GABBR2: variants seen among roughly 807,000 people sequenced by gnomAD.
GABBR2 encodes gamma-aminobutyric acid type B receptor subunit 2.
Under a neutral mutation model 105.6 loss-of-function variants are expected in GABBR2, and 23 were observed. That is an observed-to-expected ratio of 0.22 (90% CI 0.16 to 0.31). The LOEUF is 0.31. GABBR2 is among the 10% of genes least tolerant of loss of function. The pLI is 1.00. For synonymous variants in GABBR2, 478 were observed against 499.7 expected, an observed-to-expected ratio of 0.96 and a Z score of 0.58; for missense variants, 734 against 1,245.5, an observed-to-expected ratio of 0.59 and a Z score of 6.18.
At position 98,464,360 on chromosome 9, in the gene GABBR2, G is replaced by A. The variant is rs533786243; in HGVS notation, c.999+8786C>T. On this transcript the variant is annotated intron_variant, in intron 6 of 18. Coordinates refer to ENST00000259455, the MANE Select transcript of GABBR2 (RefSeq NM_005458.8). ...AAGTGAGGAGCGCCTCTGCCTGGCCGCCCCCTCTGGGAAGTGAGGAGCGCC... is the reference window on the plus strand; with the variant it reads ...AAGTGAGGAGCGCCTCTGCCTGGCCACCCCCTCTGGGAAGTGAGGAGCGCC... 1.1e-4 allele frequency among the ~76,000 whole-genome samples: 16 copies of A among 150,000 alleles called. No homozygotes were observed. In the East Asian group the frequency reaches 1.6e-3, roughly 15 times the overall value.
intron 3 of GABBR2, among the ~76,000 whole-genome samples, chr9:98,518,815 C>T (rs150749839): frequency 2.0e-5 from 3 of 152,262 alleles, no homozygotes; most frequent in Non-Finnish European, 4.4e-5. Context: ...TCCCCTCCCA[C>T]GAAGCCCATG....
chr9:98,296,572 G>A (rs1830385971), intron 17 of GABBR2, among the ~76,000 whole-genome samples: 1 of 152,144 alleles, frequency 6.6e-6, no homozygotes, highest in African/African-American at 2.4e-5. Flanking sequence ...ATCTTCGCCA[G>A]TCTTTGAGGC....
At chr9:98,426,095 G>C (rs546971326) in intron 7 of GABBR2, among the ~76,000 whole-genome samples, 1 of 152,310 alleles carries the variant, frequency 6.6e-6, no homozygotes, top group South Asian at 2.1e-4. Context: ...ATGAGGGGTG[G>C]GGAGGCAGGT....
chr9:98,326,427 G>A (rs1049369786), intron 13 of GABBR2, among the ~76,000 whole-genome samples: 1 of 152,230 alleles, frequency 6.6e-6, no homozygotes, highest in African/African-American at 2.4e-5. Context: ...GAGAGTGGTA[G>A]AGGCTGATGC....
rs1245676144 is a variant in GABBR2, at chr9:98,560,224, C to G, written c.459+17711G>C. Among the ~76,000 whole-genome samples the G allele has an allele frequency of 2.0e-5, 3 of 152,012 alleles. No homozygotes were observed. In the East Asian group the frequency reaches 5.8e-4, roughly 29 times the overall value. ...AGGAGAAAAAAAATCAACCCCTAAA[C>G]AGTGAAAACAAACCAGGACAAAGGA... On this transcript the variant is annotated intron_variant, in intron 2 of 18. Transcript: ENST00000259455.
intron 13 of GABBR2, among the ~76,000 whole-genome samples, chr9:98,324,002 G>C (rs1432000618): frequency 6.6e-6 from 1 of 152,172 alleles, no homozygotes; most frequent in East Asian, 1.9e-4. Flanking sequence ...CACCCTAGGA[G>C]GTTAGTAGGG....
chr9:98,657,334 G>C lies in GABBR2; in HGVS notation c.321+51083C>G, dbSNP rs574688963. 2.6e-5 allele frequency among the ~76,000 whole-genome samples: 4 copies of C among 152,286 alleles called. No individual in the cohort carries two copies. In the South Asian group the frequency reaches 8.3e-4, roughly 32 times the overall value. On this transcript the variant is annotated intron_variant, in intron 1 of 18. Transcript: ENST00000259455. ...TGAAAAACAAAACATAAACCAAGAAGACTGTACGTTTTCAAGAAAAATGGA... is the reference window on the plus strand; with the variant it reads ...TGAAAAACAAAACATAAACCAAGAACACTGTACGTTTTCAAGAAAAATGGA...
At chr9:98,625,835 C>T (rs1028991811) in intron 1 of GABBR2, among the ~76,000 whole-genome samples, 5 of 152,202 alleles carry the variant, frequency 3.3e-5, no homozygotes, top group Non-Finnish European at 7.3e-5. Context: ...GGGACTGGTT[C>T]CTGCCCATTT....
chr9:98,323,261 C>A (rs796468720), intron 13 of GABBR2, among the ~76,000 whole-genome samples: 2 of 152,248 alleles, frequency 1.3e-5, no homozygotes, highest in Non-Finnish European at 2.9e-5. Context: ...TGCTCTCCTC[C>A]GCCTGCCTTG....
chr9:98,674,520 C>T (rs972559897), intron 1 of GABBR2, among the ~76,000 whole-genome samples: 3 of 152,160 alleles, frequency 2.0e-5, no homozygotes, highest in South Asian at 2.1e-4. Context: ...AAATCCCCAC[C>T]GCAGGACCTT....
At position 98,302,817 on chromosome 9, in the gene GABBR2, A is replaced by G. The variant is rs117835392; in HGVS notation, c.2412+424T>C. The G allele has an allele frequency of 8.7e-4, 141 of 162,682 alleles. 2 individuals carry two copies. The East Asian group carries it at 0.012, about 14-fold the overall frequency. The allele number at this position is 162,682 out of a possible 1,614,324, so 10.1% of individuals were successfully genotyped here. Reference sequence around the variant, plus strand: ...AGGTCTGCTGCAGCACTCTCTCTTGAAAAGTTTCTTTTCACTTTCTCTTCT... The same window carrying G: ...AGGTCTGCTGCAGCACTCTCTCTTGGAAAGTTTCTTTTCACTTTCTCTTCT... On this transcript the variant is annotated intron_variant, in intron 16 of 18. Transcript: ENST00000259455.
chr9:98,667,094 G>C (rs1175856123), intron 1 of GABBR2, among the ~76,000 whole-genome samples: 1 of 152,184 alleles, frequency 6.6e-6, no homozygotes, highest in Non-Finnish European at 1.5e-5. Flanking sequence ...TCAGGAATGA[G>C]GGTCTGGCTC....
chr9:98,479,036 G>A (rs757044644), intron 5 of GABBR2, among the ~76,000 whole-genome samples: 4 of 152,088 alleles, frequency 2.6e-5, no homozygotes, highest in African/African-American at 4.8e-5. Context: ...TGGACCCTAC[G>A]TAGTAAGCAG....
intron 1 of GABBR2, among the ~76,000 whole-genome samples, chr9:98,580,514 G>A (rs1332858579): frequency 6.6e-6 from 1 of 152,212 alleles, no homozygotes; most frequent in African/African-American, 2.4e-5. Flanking sequence ...GGGGCCAGGC[G>A]CGAAGGCTCA....
At chr9:98,657,026 C>G (rs979097284) in intron 1 of GABBR2, among the ~76,000 whole-genome samples, 2 of 152,232 alleles carry the variant, frequency 1.3e-5, no homozygotes, top group Non-Finnish European at 2.9e-5. Context: ...TTTTTAAAAA[C>G]TGAGCCAACA....
intron 13 of GABBR2, among the ~76,000 whole-genome samples, chr9:98,314,611 C>G (rs114073217): frequency 6.6e-6 from 1 of 152,126 alleles, no homozygotes; most frequent in Admixed American, 6.5e-5. Flanking sequence ...CTCCTGCTCC[C>G]GGTGAGGTAG....
At position 98,403,326 on chromosome 9, in the gene GABBR2, CA is replaced by C. The variant is rs1265866471; in HGVS notation, c.1297+2754del. Among the ~76,000 whole-genome samples the C allele has an allele frequency of 5.7e-5, 8 of 141,352 alleles. No individual in the cohort carries two copies. The East Asian group carries it at 1.7e-3, about 30-fold the overall frequency. 92.7% of individuals were successfully genotyped at this position (141,352 alleles called of 152,430 possible). On this transcript the variant is annotated intron_variant, in intron 8 of 18. Transcript: ENST00000259455. ...AAAAAAAAAAAAAAAATCATGTAAACAGGAGCATCTGGCCTTTATTGAAGGC... is the reference window on the plus strand; with the variant it reads ...AAAAAAAAAAAAAAAATCATGTAAACGGAGCATCTGGCCTTTATTGAAGGC...
At chr9:98,520,260 G>A (rs1827841094) in intron 3 of GABBR2, among the ~76,000 whole-genome samples, 3 of 152,226 alleles carry the variant, frequency 2.0e-5, no homozygotes, top group Non-Finnish European at 4.4e-5. Context: ...AGGAGAGGAA[G>A]TGATGGTGAT....
chr9:98,704,971 C>A (rs558982931), intron 1 of GABBR2, among the ~76,000 whole-genome samples: 106 of 149,622 alleles, frequency 7.1e-4, no homozygotes, highest in African/African-American at 2.5e-3. Flanking sequence ...AAAAAAAAGT[C>A]ATTGTCTCTC....
Sources: gnomAD v4.1 joint callset for allele counts (sites outside exome capture counted in the v4.1 genomes callset) on GRCh38, gnomAD v4.1.1 for gene constraint, MANE v1.5 for transcripts, NCBI Gene and HGNC (gene_info 2026-07-23, HGNC 2026-07-21) for gene names.